CA5A: variants seen among roughly 807,000 people sequenced by gnomAD.
The protein encoded by CA5A is carbonic anhydrase 5A, mitochondrial.
CA5A carries 28 observed loss-of-function variants against 37.1 expected under a neutral mutation model. That is an observed-to-expected ratio of 0.75 (90% CI 0.56 to 1.03). CA5A has a LOEUF of 1.03. Ranked by LOEUF, CA5A falls within the 50% of genes least tolerant of loss-of-function variation. The pLI is 0.00. For missense variants in CA5A, 444 were observed against 399.9 expected (o/e 1.11, Z -0.94); for synonymous variants, 171 against 158.4 (o/e 1.08, Z -0.60).
intron 5 of CA5A, among the ~76,000 whole-genome samples, chr16:87,893,937 T>A (rs2055764020): frequency 6.6e-6 from 1 of 151,818 alleles, no homozygotes; most frequent in African/African-American, 2.4e-5. Flanking sequence ...AAATTAATTG[T>A]TTGTAGCCAG....
At chr16:87,899,347 G>T (rs2055845198) in intron 5 of CA5A, among the ~76,000 whole-genome samples, 1 of 133,676 alleles carries the variant, frequency 7.5e-6, no homozygotes, top group African/African-American at 2.9e-5. Flanking sequence ...GTGTCACTCG[G>T]CCTGGAGTGT....
At chr16:87,886,027 C>G (rs2055644916), downstream of CA5A, 1 of 152,128 alleles carries the variant, frequency 6.6e-6, no homozygotes, top group South Asian at 2.1e-4. Context: ...TGGAAACCAT[C>G]CTGGCACGAG....
At chr16:87,927,755 G>A (rs1356857334) in intron 1 of CA5A, among the ~76,000 whole-genome samples, 1 of 151,840 alleles carries the variant, frequency 6.6e-6, no homozygotes, top group Non-Finnish European at 1.5e-5. Flanking sequence ...CAGGTACTCA[G>A]GAGGCTGAGG....
chr16:87,915,020 C>A (rs757874213), intron 2 of CA5A, among the ~76,000 whole-genome samples: 1 of 152,206 alleles, frequency 6.6e-6, no homozygotes, highest in Non-Finnish European at 1.5e-5. Flanking sequence ...GCATGGCCGC[C>A]GCACCACCAG....
intron 6 of CA5A, among the ~76,000 whole-genome samples, chr16:87,888,788 G>C (rs549350809): frequency 7.2e-4 from 110 of 152,310 alleles, no homozygotes; most frequent in African/African-American, 2.4e-3. Flanking sequence ...TTTCGCTCTT[G>C]TTTCCCAGGC....
chr16:87,917,808 C>T (rs1472428076), intron 2 of CA5A, among the ~76,000 whole-genome samples: 9 of 132,454 alleles, frequency 6.8e-5, no homozygotes, highest in African/African-American at 2.6e-4. Flanking sequence ...TGCACATGTG[C>T]ACACATGCAC....
At chr16:87,899,276 G>A (rs962549880) in intron 5 of CA5A, among the ~76,000 whole-genome samples, 4 of 149,794 alleles carry the variant, frequency 2.7e-5, no homozygotes, top group Admixed American at 1.3e-4. Context: ...CCAAGGCTGG[G>A]CCTTTTACCT....
chr16:87,911,857 G>T lies in CA5A; in HGVS notation c.341-6953C>A, dbSNP rs1238648517. ...GGCCCAGACTAGACGTTTATAAAAG[G>T]ATAATGATGCCTACTTCAGGGGCCC... is the stretch of plus-strand genomic sequence containing the variant. On this transcript the variant is annotated intron_variant, in intron 2 of 6. Coordinates refer to ENST00000649794, the MANE Select transcript of CA5A (RefSeq NM_001739.2). The surrounding 1 kb of genome is among the most constrained non-coding windows in gnomAD (Gnocchi z 4.6). Among the ~76,000 whole-genome samples the T allele has an allele frequency of 1.3e-5, 2 of 152,188 alleles. No individual in the cohort carries two copies. Among genetic ancestry groups the T allele is most frequent in the African/African-American group, 4.8e-5 (2 of 41,442 alleles).
At chr16:87,910,209 C>A (rs2056030987) in intron 2 of CA5A, among the ~76,000 whole-genome samples, 1 of 152,218 alleles carries the variant, frequency 6.6e-6, no homozygotes, top group African/African-American at 2.4e-5. Context: ...CACCACGCAT[C>A]CTGTCCATGA....
chr16:87,887,320 G>A (rs1453016912), downstream of CA5A: 1 of 152,270 alleles, frequency 6.6e-6, no homozygotes, highest in African/African-American at 2.4e-5. Context: ...TGTTGGCCAG[G>A]CTGGTCTCAA....
At chr16:87,923,998 C>G in intron 2 of CA5A, 1 of 985,406 alleles carries the variant, frequency 1.0e-6, no homozygotes, top group Non-Finnish European at 1.2e-6. Context: ...AAAAGCCAAT[C>G]TGAGTTGCTT....
intron 1 of CA5A, among the ~76,000 whole-genome samples, chr16:87,931,210 C>G (rs1002776097): frequency 6.6e-6 from 1 of 151,134 alleles, no homozygotes; most frequent in African/African-American, 2.4e-5. Flanking sequence ...CTCCCGGGTT[C>G]AAGTGATTCT....
chr16:87,932,949 C>G (rs2056427032), intron 1 of CA5A, among the ~76,000 whole-genome samples: 1 of 152,200 alleles, frequency 6.6e-6, no homozygotes, highest in Non-Finnish European at 1.5e-5. Flanking sequence ...GCTTGGAATA[C>G]ATGGGCACCG....
At chr16:87,899,259 C>G (rs970027503) in intron 5 of CA5A, among the ~76,000 whole-genome samples, 6 of 147,880 alleles carry the variant, frequency 4.1e-5, no homozygotes, top group Non-Finnish European at 7.4e-5. Flanking sequence ...AGCACAGACT[C>G]TTGCTCCCAA....
In CA5A at chr16:87,926,896, C is replaced by A; in HGVS notation, c.192G>T (p.Gln64His). 6.2e-7 allele frequency: 1 copy of A among 1,608,084 alleles called. No individual in the cohort carries two copies. The highest frequency in any genetic ancestry group is 8.5e-7 in the Non-Finnish European group (1 of 1,176,850). The part of the protein sequence containing the change: ...VPVSVPGGTR[Q>H]SPINIQWRDS... ...CCCTCCACTGGATGTTAATAGGAGA[C>A]TGCCGGGTGCCCCCTGGCACGGAGA... Residue 64 changes from glutamine to histidine, a missense_variant, in exon 2 of 7, where the codon CAG becomes CAT. By Grantham distance (24) the Gln-to-His change is conservative. Coordinates refer to ENST00000649794, the MANE Select transcript of CA5A (RefSeq NM_001739.2).
chr16:87,886,312 GC>G (rs1269355494), downstream of CA5A: 1 of 152,064 alleles, frequency 6.6e-6, no homozygotes, highest in African/African-American at 2.4e-5. Context: ...ACCAAGCTCG[GC>G]TAATTTTGTA....
In CA5A at chr16:87,926,780, T is replaced by A; in HGVS notation, c.308A>T (p.Gln103Leu). ...CTCGGTGGCATCGTCAAATTCCACC[T>A]GGAAGAGGTAGCCAGTGTTCCAGAT... ...LYIWNTGYLF[Q>L]VEFDDATEAS... Residue 103 changes from glutamine to leucine, a missense_variant, in exon 2 of 7, where the codon CAG becomes CTG. Transcript: ENST00000649794. 1 of 1,614,060 alleles carries A rather than the reference T, an allele frequency of 6.2e-7. No individual in the cohort carries two copies. The highest frequency in any genetic ancestry group is 8.5e-7 in the Non-Finnish European group (1 of 1,179,942).
At chr16:87,921,335 C>T (rs748903756) in intron 2 of CA5A, among the ~76,000 whole-genome samples, 1 of 152,232 alleles carries the variant, frequency 6.6e-6, no homozygotes, top group African/African-American at 2.4e-5. Flanking sequence ...GCTTCAGGTA[C>T]AGCTACATTC....
intron 2 of CA5A, among the ~76,000 whole-genome samples, chr16:87,907,834 G>A (rs1251341536): frequency 1.3e-5 from 2 of 152,194 alleles, no homozygotes; most frequent in Non-Finnish European, 2.9e-5. Context: ...GCTGAGGCAG[G>A]AGAATTGCTT....
Sources: gnomAD v4.1 joint callset for allele counts (sites outside exome capture counted in the v4.1 genomes callset) on GRCh38, gnomAD v4.1.1 for gene constraint, Gnocchi (gnomAD v3.1) non-coding constraint, MANE v1.5 for transcripts, NCBI Gene and HGNC (gene_info 2026-07-23, HGNC 2026-07-21) for gene names.